PCDH15: variants seen among roughly 807,000 people sequenced by gnomAD.
The protein encoded by PCDH15 is protocadherin-15.
Under a neutral mutation model 178.5 loss-of-function variants are expected in PCDH15, and 129 were observed. That is an observed-to-expected ratio of 0.72 (90% confidence interval 0.63 to 0.84). The LOEUF is 0.84. Ranked by LOEUF, PCDH15 falls within the 40% of genes least tolerant of loss-of-function variation. PCDH15 has a pLI of 0.00. For synonymous variants in PCDH15, 800 were observed against 732.0 expected (o/e 1.09, Z -1.50); for missense variants, 2,230 against 2,099.9 (o/e 1.06, Z -1.21).
chr10:54,933,988 C>T (rs558238093), intron 2 of PCDH15, among the ~76,000 whole-genome samples: 2 of 152,176 alleles, frequency 1.3e-5, no homozygotes, highest in Admixed American at 6.5e-5. Context: ...GTACCCTGAA[C>T]ATAATGAATT....
At chr10:54,459,588 C>G (rs189542239) in intron 3 of PCDH15, among the ~76,000 whole-genome samples, 1 of 151,970 alleles carries the variant, frequency 6.6e-6, no homozygotes, top group African/African-American at 2.4e-5. Flanking sequence ...TAGAGATTGA[C>G]GTGAAGTCAG....
chr10:54,074,972 ATG>A (rs1182965144), intron 17 of PCDH15, among the ~76,000 whole-genome samples: 1 of 152,134 alleles, frequency 6.6e-6, no homozygotes, highest in Non-Finnish European at 1.5e-5. Flanking sequence ...ATATTTAGCA[ATG>A]CTAAGTGTTT....
chr10:54,265,488 A>G (rs867742465), intron 8 of PCDH15, among the ~76,000 whole-genome samples: 1 of 148,166 alleles, frequency 6.7e-6, no homozygotes, highest in Non-Finnish European at 1.5e-5. Flanking sequence ...ATTGGAATTA[A>G]AAAAAAAAAA....
At chr10:55,490,776 C>T (rs113740514) in intron 2 of PCDH15, among the ~76,000 whole-genome samples, 2,269 of 151,650 alleles carry the variant, frequency 0.015, 58 homozygotes, top group African/African-American at 0.051. Flanking sequence ...GAAAGCATAA[C>T]ACAATGGTTC....
At chr10:55,075,610 G>A (rs927435217) in intron 2 of PCDH15, among the ~76,000 whole-genome samples, 3 of 151,908 alleles carry the variant, frequency 2.0e-5, no homozygotes, top group African/African-American at 7.2e-5. Flanking sequence ...TGATCTAGCC[G>A]CCTCAGGCTC....
intron 3 of PCDH15, among the ~76,000 whole-genome samples, chr10:54,419,682 A>G (rs1565224306): frequency 6.6e-6 from 1 of 152,142 alleles, no homozygotes; most frequent in Non-Finnish European, 1.5e-5. Context: ...ATACTCTTCA[A>G]CAATGTGCAG....
At chr10:55,073,718 T>C (rs1012764316) in intron 2 of PCDH15, among the ~76,000 whole-genome samples, 1 of 152,136 alleles carries the variant, frequency 6.6e-6, no homozygotes, top group Non-Finnish European at 1.5e-5. Context: ...TTGAGAAGAA[T>C]TGGTATTAGT....
intron 1 of PCDH15, among the ~76,000 whole-genome samples, chr10:55,285,535 A>G (rs1005940221): frequency 1.3e-5 from 2 of 151,756 alleles, no homozygotes; most frequent in South Asian, 4.1e-4. Context: ...TATTAGAACT[A>G]TAGGATGTTC....
chr10:55,157,774 G>C (rs1446435799), intron 2 of PCDH15, among the ~76,000 whole-genome samples: 7 of 151,206 alleles, frequency 4.6e-5, no homozygotes, highest in Admixed American at 4.6e-4. Context: ...TTGGACACAG[G>C]AAGGGGTACA....
chr10:54,426,967 G>A (rs867628863), intron 3 of PCDH15, among the ~76,000 whole-genome samples: 1 of 151,484 alleles, frequency 6.6e-6, no homozygotes, highest in Non-Finnish European at 1.5e-5. Flanking sequence ...CAGGCACTGT[G>A]CAACATGCTT....
chr10:54,076,129 T>C (rs1023293241), intron 17 of PCDH15, among the ~76,000 whole-genome samples: 1 of 152,152 alleles, frequency 6.6e-6, no homozygotes, highest in African/African-American at 2.4e-5. Context: ...TTTATTTAAT[T>C]TCTTTCCAAA....
chr10:55,345,451 T>C (rs1212018472), intron 2 of PCDH15, among the ~76,000 whole-genome samples: 3 of 152,000 alleles, frequency 2.0e-5, no homozygotes, highest in African/African-American at 7.2e-5. Flanking sequence ...TGAGAATAAC[T>C]ATATAGCACC....
At chr10:55,211,823 C>T (rs1255123165) in intron 1 of PCDH15, among the ~76,000 whole-genome samples, 1 of 151,964 alleles carries the variant, frequency 6.6e-6, no homozygotes, top group Non-Finnish European at 1.5e-5. Flanking sequence ...CCTAGAAATT[C>T]GGACTTAAGT....
intron 3 of PCDH15, among the ~76,000 whole-genome samples, chr10:54,396,206 C>G (rs1373107903): frequency 2.0e-5 from 3 of 152,132 alleles, no homozygotes; most frequent in Non-Finnish European, 4.4e-5. Flanking sequence ...CTTTACTTAG[C>G]CTTTATCTGC....
chr10:55,053,987 C>T (rs1841229392), intron 2 of PCDH15, among the ~76,000 whole-genome samples: 2 of 152,082 alleles, frequency 1.3e-5, no homozygotes, highest in African/African-American at 4.8e-5. Context: ...CTATTTTTAA[C>T]TTTCATTTTA....
At chr10:53,992,404 A>C (rs942689869) in intron 21 of PCDH15, among the ~76,000 whole-genome samples, 1 of 152,214 alleles carries the variant, frequency 6.6e-6, no homozygotes, top group Non-Finnish European at 1.5e-5. Context: ...AACATGTTCC[A>C]ATTACTACTC....
At chr10:54,242,152 A>ATATATG (rs2055422214) in intron 8 of PCDH15, among the ~76,000 whole-genome samples, 2 of 89,954 alleles carry the variant, frequency 2.2e-5, no homozygotes, top group African/African-American at 1.0e-4. Context: ...ATATATATAT[A>ATATATG]TATATATATA....
chr10:55,483,573 A>C (rs763554610), intron 2 of PCDH15, among the ~76,000 whole-genome samples: 1 of 151,860 alleles, frequency 6.6e-6, no homozygotes, highest in Non-Finnish European at 1.5e-5. Flanking sequence ...CAGTGTGGCA[A>C]TTCCTCAAAG....
At chr10:55,205,182 T>TA (rs746777447) in intron 1 of PCDH15, among the ~76,000 whole-genome samples, 4 of 152,078 alleles carry the variant, frequency 2.6e-5, no homozygotes, top group Admixed American at 6.5e-5. Context: ...ACCACTTACG[T>TA]AAGTTACAAT....
Sources: gnomAD v4.1 joint callset for allele counts (sites outside exome capture counted in the v4.1 genomes callset) on GRCh38, gnomAD v4.1.1 for gene constraint, MANE v1.5 for transcripts, NCBI Gene and HGNC (gene_info 2026-07-23, HGNC 2026-07-21) for gene names.